LNP1: variants seen among roughly 807,000 people sequenced by gnomAD.
LNP1 encodes leukemia NUP98 fusion partner 1.
A neutral mutation model predicts 14.5 loss-of-function variants in LNP1; 12 were observed. That is an observed-to-expected ratio of 0.83 (90% CI 0.53 to 1.34). The LOEUF (loss-of-function observed/expected upper bound fraction) is 1.34. Among genes scored for constraint, LNP1 ranks in the 40% most tolerant of loss-of-function variants. LNP1 has a pLI of 0.00. For missense variants in LNP1, 198 were observed against 210.9 expected (o/e 0.94, Z 0.38); for synonymous variants, 75 against 71.4 (o/e 1.05, Z -0.26).
At chr3:100,434,401 CT>C in intron 2 of LNP1, among the ~76,000 whole-genome samples, 1 of 152,062 alleles carries the variant, frequency 6.6e-6, no homozygotes, top group Non-Finnish European at 1.5e-5. Context: ...TTTCTGAGTT[CT>C]TTATTCTGTT....
intron 1 of LNP1, among the ~76,000 whole-genome samples, chr3:100,415,075 G>C (rs1233984421): frequency 1.3e-5 from 2 of 152,160 alleles, no homozygotes; most frequent in Non-Finnish European, 2.9e-5. Flanking sequence ...ACTTTTAGGA[G>C]AAAATGTGAG....
At chr3:100,441,914 C>T (rs1210573224) in intron 2 of LNP1, among the ~76,000 whole-genome samples, 1 of 152,118 alleles carries the variant, frequency 6.6e-6, no homozygotes, top group Non-Finnish European at 1.5e-5. Flanking sequence ...ATCCACTCGC[C>T]TCGGCCTCTC....
At chr3:100,432,600 T>G (rs561681480) in intron 2 of LNP1, among the ~76,000 whole-genome samples, 95 of 152,312 alleles carry the variant, frequency 6.2e-4, no homozygotes, top group African/African-American at 2.0e-3. Flanking sequence ...TGAATTAAAG[T>G]GAATAAAGAA....
At chr3:100,412,962 T>C (rs557566979) in intron 1 of LNP1, among the ~76,000 whole-genome samples, 1 of 152,340 alleles carries the variant, frequency 6.6e-6, no homozygotes, top group South Asian at 2.1e-4. Context: ...GAAGTGTTTG[T>C]TGAACAAGTT....
chr3:100,408,963 T>C (rs1706998401), intron 1 of LNP1, among the ~76,000 whole-genome samples: 1 of 152,228 alleles, frequency 6.6e-6, no homozygotes, highest in Non-Finnish European at 1.5e-5. Flanking sequence ...TAGATAGTTG[T>C]TCAAATTCAT....
chr3:100,427,247 C>T (rs962888480), intron 1 of LNP1, among the ~76,000 whole-genome samples: 7 of 151,918 alleles, frequency 4.6e-5, no homozygotes, highest in African/African-American at 1.7e-4. Context: ...CATTTTTGGC[C>T]CATGCAAAAT....
intron 2 of LNP1, among the ~76,000 whole-genome samples, chr3:100,435,553 A>G (rs1707286412): frequency 6.6e-6 from 1 of 152,206 alleles, no homozygotes; most frequent in South Asian, 2.1e-4. Context: ...CATTTAGAAA[A>G]GAAGAGGGGA....
At chr3:100,439,849 G>A (rs55727921) in intron 2 of LNP1, among the ~76,000 whole-genome samples, 7,881 of 152,170 alleles carry the variant, frequency 0.052, 596 homozygotes, top group African/African-American at 0.17. Context: ...TACCTTAGGT[G>A]TCTCAGCAGC....
At chr3:100,431,331 T>A (rs1707240154) in intron 2 of LNP1, among the ~76,000 whole-genome samples, 1 of 152,226 alleles carries the variant, frequency 6.6e-6, no homozygotes, top group African/African-American at 2.4e-5. Context: ...CCTTAATCTA[T>A]GGAATCACAG....
At chr3:100,446,869 A>G (rs937737636) in intron 2 of LNP1, among the ~76,000 whole-genome samples, 21 of 152,374 alleles carry the variant, frequency 1.4e-4, no homozygotes, top group Admixed American at 3.3e-4. Flanking sequence ...ATCACTGGTC[A>G]TCAGAGAAAT....
chr3:100,451,677 C>A, intron 2 of LNP1, 42 bp from the exon 3 acceptor site: 1 of 664,422 alleles, frequency 1.5e-6, no homozygotes, highest in Non-Finnish European at 2.2e-6. Flanking sequence ...TAACATTGCA[C>A]AGTCCTTTTA....
chr3:100,449,456 T>C (rs1707418328), intron 2 of LNP1, among the ~76,000 whole-genome samples: 1 of 152,212 alleles, frequency 6.6e-6, no homozygotes, highest in Non-Finnish European at 1.5e-5. Flanking sequence ...AAAGGGAGTC[T>C]GGCACCTTCT....
At chr3:100,414,486 G>A (rs1217414098) in intron 1 of LNP1, among the ~76,000 whole-genome samples, 1 of 151,940 alleles carries the variant, frequency 6.6e-6, no homozygotes, top group Non-Finnish European at 1.5e-5. Context: ...GGCAGAGGTT[G>A]CAGTGAGCCG....
intron 2 of LNP1, among the ~76,000 whole-genome samples, chr3:100,441,374 A>C (rs1707342569): frequency 6.6e-6 from 1 of 152,170 alleles, no homozygotes; most frequent in Admixed American, 6.5e-5. Context: ...TGAGTCAGAG[A>C]AATTGAGAGA....
chr3:100,413,877 C>T (rs1358558860), intron 1 of LNP1, among the ~76,000 whole-genome samples: 1 of 152,226 alleles, frequency 6.6e-6, no homozygotes, highest in Non-Finnish European at 1.5e-5. Flanking sequence ...TTATGCAGTG[C>T]TGTTCTTAGC....
intron 1 of LNP1, among the ~76,000 whole-genome samples, chr3:100,416,348 A>G (rs1159149276): frequency 2.0e-5 from 3 of 152,216 alleles, no homozygotes; most frequent in Non-Finnish European, 4.4e-5. Flanking sequence ...AAGAGGTTCC[A>G]AGGTCATTTT....
intron 3 of LNP1, 68 bp from the exon 4 acceptor site, chr3:100,455,709 T>G: frequency 6.9e-7 from 1 of 1,457,992 alleles, no homozygotes; most frequent in East Asian, 2.3e-5. Flanking sequence ...TGTCTGATTA[T>G]TAAGAGAAAT....
intron 1 of LNP1, among the ~76,000 whole-genome samples, chr3:100,405,695 T>C (rs1219802478): frequency 6.6e-6 from 1 of 152,176 alleles, no homozygotes; most frequent in African/African-American, 2.4e-5. Context: ...CCTAATACTA[T>C]TACATTCCCC....
In LNP1 at chr3:100,455,977, T is replaced by G. The variant is rs780715616; in HGVS notation, c.*51T>G. 1.3e-6 allele frequency: 2 copies of G among 1,557,024 alleles called. No homozygotes were observed. The highest frequency in any genetic ancestry group is 4.5e-5 in the East Asian group (2 of 44,206). ...AGATGCTACTGTTTTGGTTTTTTTC[T>G]TTGAGCCCCAATTCACCATTTCAGG... On this transcript the variant is annotated 3_prime_UTR_variant, in exon 4 of 4. Transcript: ENST00000383693.
Sources: gnomAD v4.1 joint callset for allele counts (sites outside exome capture counted in the v4.1 genomes callset) on GRCh38, gnomAD v4.1.1 for gene constraint, MANE v1.5 for transcripts, NCBI Gene and HGNC (gene_info 2026-07-23, HGNC 2026-07-21) for gene names.